Variants in RNF180 observed in about 807,000 individuals in gnomAD.
RNF180 encodes ring finger protein 180, also known as E3 ubiquitin-protein ligase RNF180.
RNF180 carries 38 observed loss-of-function variants against 59.2 expected under a neutral mutation model. That is an observed-to-expected ratio of 0.64 (90% CI 0.50 to 0.84). The LOEUF is 0.84. RNF180 is among the 40% of genes least tolerant of loss of function. The pLI is 0.00. For missense variants in RNF180, 705 were observed against 700.9 expected (o/e 1.01, Z -0.07); for synonymous variants, 262 against 240.3 (o/e 1.09, Z -0.84).
In RNF180 at chr5:64,224,104, TAC is replaced by T. The variant is rs1554033345; in HGVS notation, c.1227+6710_1227+6711del. Among the ~76,000 whole-genome samples the T allele has an allele frequency of 1.1e-4, 17 of 149,572 alleles. No homozygotes were observed. In the South Asian group the frequency reaches 1.6e-3, roughly 14 times the overall value. On this transcript the variant is annotated intron_variant, in intron 5 of 7. Transcript: ENST00000389100. ...GTGTGTGTGTGTGTGTGTGTGTGTG[TAC>T]ATACATATTTATATCTCAAGTTATT...
intron 7 of RNF180, among the ~76,000 whole-genome samples, chr5:64,367,734 A>C (rs963904791): frequency 6.6e-6 from 1 of 151,684 alleles, no homozygotes; most frequent in East Asian, 1.9e-4. Flanking sequence ...TAATGAGTGA[A>C]CCAGAGTTTG....
chr5:64,183,910 A>C (rs1561171993), intron 1 of RNF180, among the ~76,000 whole-genome samples: 1 of 152,230 alleles, frequency 6.6e-6, no homozygotes, highest in Non-Finnish European at 1.5e-5. Flanking sequence ...GCACCCCCAA[A>C]TTCATGTGTT....
chr5:64,311,612 A>G (rs1332661806), intron 5 of RNF180, among the ~76,000 whole-genome samples: 1 of 151,988 alleles, frequency 6.6e-6, no homozygotes, highest in Non-Finnish European at 1.5e-5. Context: ...AGATTTTTTC[A>G]TAAACTGTTC....
At chr5:64,328,263 G>A (rs1410069695) in intron 6 of RNF180, among the ~76,000 whole-genome samples, 1 of 152,070 alleles carries the variant, frequency 6.6e-6, no homozygotes. Flanking sequence ...CAGTTCTTAA[G>A]TCCTAAGAAA....
In RNF180 at chr5:64,372,150, G is replaced by A. The variant is rs1485748980; in HGVS notation, c.*2336G>A. 1 of 151,462 alleles carries A rather than the reference G, an allele frequency of 6.6e-6. No homozygotes were observed. The allele number at this position is 151,462 out of a possible 1,614,324, so 9.4% of individuals were successfully genotyped here. ...TTCTATTTCTACCAAGCTTAATTAT[G>A]GTAAAGGTTAATTTTAAACATGTTC... On this transcript the variant is annotated 3_prime_UTR_variant, in exon 8 of 8. Transcript: ENST00000389100.
chr5:64,231,130 C>G (rs375887648), intron 5 of RNF180, among the ~76,000 whole-genome samples: 1 of 152,124 alleles, frequency 6.6e-6, no homozygotes, highest in African/African-American at 2.4e-5. Context: ...AGGTATGGCA[C>G]TAAAGATAAT....
chr5:64,343,940 T>C (rs1187278992), intron 7 of RNF180, among the ~76,000 whole-genome samples: 1 of 151,486 alleles, frequency 6.6e-6, no homozygotes, highest in Non-Finnish European at 1.5e-5. Flanking sequence ...TATTTCACCT[T>C]CATTTTTTAA....
chr5:64,360,366 C>A (rs566399961), intron 7 of RNF180, among the ~76,000 whole-genome samples: 7 of 151,676 alleles, frequency 4.6e-5, no homozygotes, highest in Admixed American at 4.0e-4. Context: ...ATTCAACAAC[C>A]CTTCATGCTA....
chr5:64,369,795 A>AT lies in RNF180; in HGVS notation c.1766dup (p.Phe590LeufsTer16), dbSNP rs1746596499. 3.3e-6 allele frequency: 5 copies of AT among 1,513,566 alleles called. No individual in the cohort carries two copies. The highest frequency in any genetic ancestry group is 2.4e-5 in the Admixed American group (1 of 42,490). The allele number at this position is 1,513,566 out of a possible 1,614,324, so 93.8% of individuals were successfully genotyped here. On this transcript the variant is annotated frameshift_variant, in exon 8 of 8. Coordinates refer to ENST00000389100, the MANE Select transcript of RNF180 (RefSeq NM_001113561.2). LOFTEE classifies it high-confidence loss of function. The stretch of plus-strand genomic sequence containing the variant: ...TTCATTGTTTTCTGCTTTCTTTGCT[A>AT]TTTTTTCTTTCCGTTTTAGGAATTT...
At chr5:64,202,983 C>G (rs1440391271) in intron 2 of RNF180, among the ~76,000 whole-genome samples, 2 of 152,226 alleles carry the variant, frequency 1.3e-5, no homozygotes, top group South Asian at 2.1e-4. Context: ...TGCCTTTGCT[C>G]TTCCTTCAGG....
intron 5 of RNF180, among the ~76,000 whole-genome samples, chr5:64,259,277 G>T (rs577325927): frequency 1.3e-4 from 20 of 152,184 alleles, no homozygotes; most frequent in Non-Finnish European, 2.8e-4. Context: ...ACAGTAAGGG[G>T]ATGCCCAGGG....
rs1752683917 is a variant in RNF180 at position 64,217,344 on chromosome 5, A to AT, written c.1192-11dup. 7.2e-7 allele frequency: 1 copy of AT among 1,394,208 alleles called. No homozygotes were observed. The highest frequency in any genetic ancestry group is 9.3e-7 in the Non-Finnish European group (1 of 1,070,092). 86.4% of individuals were successfully genotyped at this position (1,394,208 alleles called of 1,614,324 possible). On this transcript the variant is annotated splice_polypyrimidine_tract_variant and intron_variant, in intron 4 of 7. Transcript: ENST00000389100. ...ATGTGCTTATTTTTGTGTGAACCTA[A>AT]TTTTTTATTTCTCTAGGGTAAATAC... is the stretch of plus-strand genomic sequence containing the variant.
intron 7 of RNF180, among the ~76,000 whole-genome samples, chr5:64,350,710 G>T (rs1745765987): frequency 6.6e-6 from 1 of 152,104 alleles, no homozygotes; most frequent in Admixed American, 6.5e-5. Context: ...TCAAAGATCA[G>T]ATGGTTGTAG....
chr5:64,181,685 C>T (rs1193969676), intron 1 of RNF180, among the ~76,000 whole-genome samples: 3 of 152,118 alleles, frequency 2.0e-5, no homozygotes, highest in Non-Finnish European at 2.9e-5. Context: ...ACACCAAAGT[C>T]TGGGCAGATC....
intron 7 of RNF180, among the ~76,000 whole-genome samples, chr5:64,346,201 C>T (rs1262366212): frequency 2.0e-5 from 3 of 148,908 alleles, no homozygotes; most frequent in Non-Finnish European, 4.4e-5. Context: ...AACTTTTCAT[C>T]TTATCTTGGA....
intron 7 of RNF180, among the ~76,000 whole-genome samples, chr5:64,350,646 C>T (rs1289183822): frequency 6.6e-6 from 1 of 152,124 alleles, no homozygotes. Flanking sequence ...GTTTTCCCAG[C>T]ACCATTTATT....
At chr5:64,339,344 ATTAC>A (rs1209760550) in intron 7 of RNF180, among the ~76,000 whole-genome samples, 1 of 152,004 alleles carries the variant, frequency 6.6e-6, no homozygotes, top group Non-Finnish European at 1.5e-5. Flanking sequence ...TCTTTGAATT[ATTAC>A]TTAAGGCTAT....
chr5:64,317,567 C>CATATATATACAT (rs1744108698), intron 5 of RNF180, among the ~76,000 whole-genome samples: 2 of 145,962 alleles, frequency 1.4e-5, no homozygotes, highest in Admixed American at 6.9e-5. Flanking sequence ...TATACACATA[C>CATATATATACAT]ATATATATAC....
At chr5:64,307,632 A>ATT (rs1438830261) in intron 5 of RNF180, among the ~76,000 whole-genome samples, 1 of 151,744 alleles carries the variant, frequency 6.6e-6, no homozygotes, top group Non-Finnish European at 1.5e-5. Flanking sequence ...TCAAAAATGT[A>ATT]TTTAATACAC....
Sources: allele counts gnomAD v4.1 joint callset (sites outside exome capture counted in the v4.1 genomes callset), GRCh38; gene constraint gnomAD v4.1.1; transcripts MANE v1.5; gene names NCBI Gene and HGNC (gene_info 2026-07-23, HGNC 2026-07-21).